C1QTNF3: variants seen among roughly 807,000 people sequenced by gnomAD.
The protein encoded by C1QTNF3 is complement C1q tumor necrosis factor-related protein 3.
C1QTNF3 carries 26 observed loss-of-function variants against 32.6 expected under a neutral mutation model. The observed-to-expected ratio is 0.80, with a 90% CI of 0.58 to 1.11. The LOEUF is 1.11. C1QTNF3 is among the 50% of genes least tolerant of loss of function. The pLI, the probability that C1QTNF3 is intolerant of heterozygous loss-of-function variation, is 0.00. For missense variants in C1QTNF3, 362 were observed against 398.2 expected (o/e 0.91, Z 0.77); for synonymous variants, 155 against 146.0 (o/e 1.06, Z -0.44).
chr5:34,102,202 T>TAA, the C1QTNF3 span, among the ~76,000 whole-genome samples: 1 of 152,164 alleles, frequency 6.6e-6, no homozygotes, highest in Non-Finnish European at 1.5e-5. Context: ...ATTACCTTTT[T>TAA]AAATACGCCA....
chr5:34,163,900 G>A, the C1QTNF3 span, among the ~76,000 whole-genome samples: 2 of 151,834 alleles, frequency 1.3e-5, no homozygotes, highest in Non-Finnish European at 2.9e-5. Flanking sequence ...AGAATACTTT[G>A]GTTTGTGTTG....
the C1QTNF3 span, among the ~76,000 whole-genome samples, chr5:34,132,266 T>A: frequency 2.6e-5 from 4 of 151,836 alleles, no homozygotes; most frequent in Admixed American, 6.6e-5. Flanking sequence ...ATGCCTGTAA[T>A]CCAAGCTACT....
the C1QTNF3 span, among the ~76,000 whole-genome samples, chr5:34,088,674 TTTTG>T: frequency 5.9e-5 from 9 of 152,166 alleles, no homozygotes; most frequent in African/African-American, 9.7e-5. Flanking sequence ...TTTTTGCTTT[TTTTG>T]TTTGTTTGTT....
the C1QTNF3 span, among the ~76,000 whole-genome samples, chr5:34,123,618 T>A: frequency 9.9e-6 from 1 of 101,284 alleles, no homozygotes; most frequent in African/African-American, 3.3e-5. Context: ...GCAGAACAGA[T>A]ATGCTTTTTT....
chr5:34,035,626 G>T, intron 2 of C1QTNF3, 21 bp downstream of exon 2: 1 of 1,524,894 alleles, frequency 6.6e-7, no homozygotes, highest in Non-Finnish European at 9.1e-7. Flanking sequence ...TAGATTGACA[G>T]TATGTCTTGC....
the C1QTNF3 span, among the ~76,000 whole-genome samples, chr5:34,110,580 A>AG: frequency 6.6e-6 from 1 of 151,988 alleles, no homozygotes; most frequent in African/African-American, 2.4e-5. Flanking sequence ...GTCTCATTTG[A>AG]GAAAAAAAAG....
the C1QTNF3 span, among the ~76,000 whole-genome samples, chr5:34,161,312 A>T: frequency 0.08 from 12,099 of 152,140 alleles, 1,211 homozygotes; most frequent in African/African-American, 0.23. Context: ...TAGGAGCTTT[A>T]AAAAAACATA....
At chr5:34,229,629 T>C in the C1QTNF3 span, among the ~76,000 whole-genome samples, 1 of 152,154 alleles carries the variant, frequency 6.6e-6, no homozygotes, top group Admixed American at 6.6e-5. Context: ...CGTAAGATTC[T>C]TTACATGTAG....
At chr5:34,158,102 TTTTC>T in the C1QTNF3 span, 1 of 150,670 alleles carries the variant, frequency 6.6e-6, no homozygotes, top group African/African-American at 2.5e-5. Flanking sequence ...CAAAGGCTGC[TTTTC>T]TTTTTTTTTT....
chr5:34,219,289 T>C, the C1QTNF3 span, among the ~76,000 whole-genome samples: 1 of 151,902 alleles, frequency 6.6e-6, no homozygotes, highest in Non-Finnish European at 1.5e-5. Flanking sequence ...AATTAAACTA[T>C]AAACTCTAAA....
chr5:34,185,121 C>G, the C1QTNF3 span, among the ~76,000 whole-genome samples: 262 of 149,848 alleles, frequency 1.7e-3, no homozygotes, highest in African/African-American at 6.6e-3. Context: ...CCAAGGCGGG[C>G]AGATCATTTG....
chr5:34,177,494 T>A, the C1QTNF3 span, among the ~76,000 whole-genome samples: 7 of 146,594 alleles, frequency 4.8e-5, no homozygotes, highest in African/African-American at 1.8e-4. Context: ...TTTTTTTTTT[T>A]TTTTTTTTTT....
the C1QTNF3 span, among the ~76,000 whole-genome samples, chr5:34,178,695 G>T: frequency 6.6e-6 from 1 of 152,306 alleles, no homozygotes; most frequent in Non-Finnish European, 1.5e-5. Flanking sequence ...AAGCCACACT[G>T]CCTGGAGAGT....
the C1QTNF3 span, among the ~76,000 whole-genome samples, chr5:34,222,838 A>C: frequency 6.6e-6 from 1 of 151,874 alleles, no homozygotes. Context: ...GCTAGCAATA[A>C]ATTTTTATTT....
At chr5:34,217,976 T>C in the C1QTNF3 span, among the ~76,000 whole-genome samples, 1 of 151,966 alleles carries the variant, frequency 6.6e-6, no homozygotes, top group East Asian at 2.0e-4. Flanking sequence ...TTTTGGCCTA[T>C]TTACTGTTGT....
the C1QTNF3 span, among the ~76,000 whole-genome samples, chr5:34,100,877 G>T: frequency 6.6e-6 from 1 of 151,398 alleles, no homozygotes; most frequent in East Asian, 1.9e-4. Context: ...TATTCATTTT[G>T]AGCCTAACAA....
At chr5:34,154,772 T>C in the C1QTNF3 span, among the ~76,000 whole-genome samples, 1 of 152,046 alleles carries the variant, frequency 6.6e-6, no homozygotes, top group Non-Finnish European at 1.5e-5. Context: ...TTAAAGAAAG[T>C]GAACTATCTC....
chr5:34,028,660 T>G, intron 4 of C1QTNF3, 94 bp downstream of exon 4: 1 of 1,100,572 alleles, frequency 9.1e-7, no homozygotes, highest in Non-Finnish European at 1.2e-6. Flanking sequence ...CTCCCTCCCT[T>G]TCTCCGTCCC....
intron 3 of C1QTNF3, among the ~76,000 whole-genome samples, chr5:34,029,810 A>T (rs888623008): frequency 2.0e-5 from 3 of 152,336 alleles, no homozygotes; most frequent in African/African-American, 7.2e-5. Context: ...GATTGTATTT[A>T]TTTATATGAA....
Sources: gnomAD v4.1 joint callset for allele counts (sites outside exome capture counted in the v4.1 genomes callset) on GRCh38, gnomAD v4.1.1 for gene constraint, MANE v1.5 for transcripts, NCBI Gene and HGNC (gene_info 2026-07-23, HGNC 2026-07-21) for gene names.